Variants in NHS observed in about 807,000 individuals in gnomAD.
The protein encoded by NHS is actin remodeling regulator NHS.
A neutral mutation model predicts 72.5 loss-of-function variants in NHS; 5 were observed. The observed-to-expected ratio is 0.07, with a 90% CI of 0.04 to 0.14. The LOEUF is 0.14. NHS is among the 10% of genes least tolerant of loss of function. The pLI is 1.00. For missense variants in NHS, 1,072 were observed against 1,355.7 expected, an observed-to-expected ratio of 0.79 and a Z score of 3.29; for synonymous variants, 464 against 547.7, an observed-to-expected ratio of 0.85 and a Z score of 2.13.
intron 1 of NHS, among the ~76,000 whole-genome samples, chrX:17,621,296 A>G (rs1027330227): frequency 8.9e-6 from 1 of 112,063 alleles, no homozygotes; most frequent in African/African-American, 3.2e-5. Flanking sequence ...TGAGACAGGA[A>G]GCTCCGAGGA....
intron 1 of NHS, among the ~76,000 whole-genome samples, chrX:17,615,622 AC>A (rs768437785): frequency 9.1e-6 from 1 of 109,751 alleles, no homozygotes; most frequent in East Asian, 2.9e-4. Flanking sequence ...CCAAAACCAC[AC>A]TAGTCTCAAC....
Position 17,516,464 on chromosome X carries a change from G to T in NHS, c.565+140142G>T, listed in dbSNP as rs746515355. 2.7e-5 allele frequency among the ~76,000 whole-genome samples: 3 copies of T among 110,330 alleles called. No individual in the cohort carries two copies. In the East Asian group the frequency reaches 8.5e-4, roughly 31 times the overall value. On this transcript the variant is annotated intron_variant, in intron 1 of 8. Transcript: ENST00000676302. ...AGTGGCTACTTCTTTCCAGGGTCTGGCTTCTGCAAATGGACCCAAGCATTT... is the reference window on the plus strand; with the variant it reads ...AGTGGCTACTTCTTTCCAGGGTCTGTCTTCTGCAAATGGACCCAAGCATTT...
At chrX:17,537,068 ACT>A (rs2065228744) in intron 1 of NHS, among the ~76,000 whole-genome samples, 1 of 111,951 alleles carries the variant, frequency 8.9e-6, no homozygotes. Flanking sequence ...CAAAGCAAAG[ACT>A]CTTGTCATGT....
At chrX:17,692,557 G>A in intron 3 of NHS, 89 bp downstream of exon 3, 1 of 1,117,751 alleles carries the variant, frequency 8.9e-7, no homozygotes, top group Non-Finnish European at 1.2e-6. Flanking sequence ...CCCAGTGAGA[G>A]AGGCTGGGCT....
intron 1 of NHS, among the ~76,000 whole-genome samples, chrX:17,668,137 T>TATAGTCCC (rs2066024238): frequency 9.6e-6 from 1 of 104,062 alleles, no homozygotes; most frequent in Admixed American, 1.0e-4. Context: ...GGCACACACC[T>TATAGTCCC]ATAGTCCCAG....
At chrX:17,611,906 G>A (rs1048163233) in intron 1 of NHS, among the ~76,000 whole-genome samples, 2 of 111,740 alleles carry the variant, frequency 1.8e-5, no homozygotes, top group Non-Finnish European at 3.8e-5. Context: ...CATTTGAAGA[G>A]AACCAGAATT....
intron 1 of NHS, among the ~76,000 whole-genome samples, chrX:17,564,981 TTA>T (rs1480217281): frequency 0.048 from 4,993 of 103,746 alleles, 351 homozygotes; most frequent in African/African-American, 0.19. Context: ...TTTTTTTTAT[TTA>T]TTTTTTTTTT....
chrX:17,473,916 AT>A (rs1474293714), intron 1 of NHS, among the ~76,000 whole-genome samples: 1 of 110,991 alleles, frequency 9.0e-6, no homozygotes, highest in African/African-American at 3.3e-5. Context: ...TTATTTATTT[AT>A]TTATTTATTT....
intron 1 of NHS, among the ~76,000 whole-genome samples, chrX:17,441,670 C>T (rs904410540): frequency 9.0e-6 from 1 of 110,651 alleles, no homozygotes; most frequent in African/African-American, 3.3e-5. Context: ...TCCTTCCTTC[C>T]TTCCTTCGTT....
At chrX:17,493,318 A>G (rs2064999331) in intron 1 of NHS, among the ~76,000 whole-genome samples, 1 of 112,122 alleles carries the variant, frequency 8.9e-6, no homozygotes, top group African/African-American at 3.2e-5. Context: ...TCCAGTGATC[A>G]TGGGTCAGTG....
intron 1 of NHS, among the ~76,000 whole-genome samples, chrX:17,615,173 G>GTA (rs1245610791): frequency 2.6e-5 from 1 of 37,883 alleles, no homozygotes; most frequent in African/African-American, 8.5e-5. Context: ...ATATATATAC[G>GTA]TATATATATA....
At chrX:17,666,251 C>A (rs1323924113) in intron 1 of NHS, among the ~76,000 whole-genome samples, 1 of 112,056 alleles carries the variant, frequency 8.9e-6, no homozygotes, top group Admixed American at 9.4e-5. Context: ...GCACGGCCTG[C>A]AGAAATGGTA....
chrX:17,728,734 C>T lies in NHS; in HGVS notation c.4308C>T (p.Asn1436=), dbSNP rs755347672. The T allele has an allele frequency of 2.5e-6, 3 of 1,211,354 alleles. No individual in the cohort carries two copies. Among genetic ancestry groups the T allele is most frequent in the South Asian group, 3.5e-5 (2 of 56,977 alleles). The stretch of plus-strand genomic sequence containing the variant: ...CAGAGGGTGTGTTCGTGTCTCCAAA[C>T]AAACCTCGAACAACTGAGGATTTAT... ...AEAEGVFVSP[N]KPRTTEDLFA... is the part of the protein sequence containing the mutation. The change falls in exon 8 of 9, where the codon AAC becomes AAT. Residue 1436 remains asparagine (N), a synonymous_variant. Coordinates refer to ENST00000676302, the MANE Select transcript of NHS (RefSeq NM_001291867.2).
chrX:17,437,602 C>T (rs746019862), intron 1 of NHS, among the ~76,000 whole-genome samples: 3 of 111,249 alleles, frequency 2.7e-5, no homozygotes, highest in Non-Finnish European at 5.7e-5. Context: ...GTGATCAACT[C>T]CCTGGCATCT....
intron 1 of NHS, among the ~76,000 whole-genome samples, chrX:17,413,933 G>C (rs1298240069): frequency 8.9e-6 from 1 of 112,306 alleles, no homozygotes; most frequent in Non-Finnish European, 1.9e-5. Context: ...GGGAAGCTCT[G>C]TCGTATAGAG....
intron 1 of NHS, among the ~76,000 whole-genome samples, chrX:17,618,086 A>G (rs753633385): frequency 8.9e-6 from 1 of 111,987 alleles, no homozygotes; most frequent in East Asian, 2.8e-4. Flanking sequence ...GCTTTTGTCA[A>G]TTATTTCATT....
chrX:17,517,236 C>A (rs2065126469), intron 1 of NHS, among the ~76,000 whole-genome samples: 1 of 112,149 alleles, frequency 8.9e-6, no homozygotes, highest in South Asian at 3.7e-4. Context: ...AGCCATGTGA[C>A]CTTCATCCCT....
chrX:17,569,430 A>T (rs1196581107), intron 1 of NHS, among the ~76,000 whole-genome samples: 1 of 108,520 alleles, frequency 9.2e-6, no homozygotes, highest in Non-Finnish European at 1.9e-5. Context: ...GATGATGAGC[A>T]TTTTTTCATG....
intron 1 of NHS, among the ~76,000 whole-genome samples, chrX:17,615,261 C>CACATATATAT (rs1569294309): frequency 4.5e-5 from 4 of 89,859 alleles, no homozygotes; most frequent in African/African-American, 2.0e-4. Context: ...CATATATACA[C>CACATATATAT]ATATATATAT....
Sources: allele counts gnomAD v4.1 joint callset (sites outside exome capture counted in the v4.1 genomes callset), GRCh38; gene constraint gnomAD v4.1.1; transcripts MANE v1.5; gene names NCBI Gene and HGNC (gene_info 2026-07-23, HGNC 2026-07-21).